WDR72: variants seen among roughly 807,000 people sequenced by gnomAD.
The protein encoded by WDR72 is WD repeat domain 72, also known as WD repeat-containing protein 72.
A neutral mutation model predicts 124.2 loss-of-function variants in WDR72; 120 were observed. The ratio of observed to expected loss-of-function variants is 0.97; its 90% CI spans 0.83 to 1.12. WDR72 has a LOEUF of 1.12. Ranked by LOEUF, WDR72 falls within the 50% of genes most tolerant of loss-of-function variation. The probability of loss-of-function intolerance (pLI) is 0.00; values close to 1 mark genes in which losing one functional copy is unlikely to be tolerated. For missense variants in WDR72, 1,387 were observed against 1,278.8 expected, an observed-to-expected ratio of 1.08 and a Z score of -1.29; for synonymous variants, 452 against 441.7, an observed-to-expected ratio of 1.02 and a Z score of -0.29.
At chr15:53,605,680 C>T (rs2013250320) in intron 17 of WDR72, among the ~76,000 whole-genome samples, 1 of 151,974 alleles carries the variant, frequency 6.6e-6, no homozygotes, top group African/African-American at 2.4e-5. Flanking sequence ...CATGGTGAGA[C>T]TCTGTCTCTA....
At chr15:53,658,940 A>C (rs2015518786) in intron 14 of WDR72, among the ~76,000 whole-genome samples, 1 of 152,220 alleles carries the variant, frequency 6.6e-6, no homozygotes, top group East Asian at 1.9e-4. Context: ...TCAGCAGTGC[A>C]GTAAGGCATC....
intron 18 of WDR72, among the ~76,000 whole-genome samples, chr15:53,537,505 T>C (rs1892825168): frequency 6.6e-6 from 1 of 152,180 alleles, no homozygotes; most frequent in Admixed American, 6.5e-5. Context: ...TCCTGGCTCA[T>C]CTACAAACTG....
At chr15:53,714,146 G>A (rs113531226) in intron 6 of WDR72, among the ~76,000 whole-genome samples, 34 of 148,388 alleles carry the variant, frequency 2.3e-4, no homozygotes, top group African/African-American at 8.8e-4. Context: ...ACAGAGAGAT[G>A]TTCTATTTTT....
intron 14 of WDR72, among the ~76,000 whole-genome samples, chr15:53,638,583 T>C (rs1014151635): frequency 9.1e-5 from 5 of 55,192 alleles, no homozygotes; most frequent in Admixed American, 5.0e-4. Flanking sequence ...TCACATTCTT[T>C]TTTTTTTTTT....
chr15:53,665,005 C>G (rs67494345), intron 14 of WDR72, among the ~76,000 whole-genome samples: 49,607 of 151,902 alleles, frequency 0.33, 10,040 homozygotes, highest in Middle Eastern at 0.56. Flanking sequence ...GATTAAATTA[C>G]TATATCATAT....
At chr15:53,556,946 A>G (rs1893955319) in intron 18 of WDR72, among the ~76,000 whole-genome samples, 1 of 152,124 alleles carries the variant, frequency 6.6e-6, no homozygotes, top group Non-Finnish European at 1.5e-5. Flanking sequence ...AACTTGAATA[A>G]TTAACTCAGG....
intron 13 of WDR72, among the ~76,000 whole-genome samples, chr15:53,668,865 A>G (rs1348970720): frequency 6.8e-6 from 1 of 146,068 alleles, no homozygotes; most frequent in African/African-American, 2.5e-5. Flanking sequence ...TGATCATACC[A>G]CTGTATTATA....
At chr15:53,735,042 A>C (rs773168671) in intron 1 of WDR72, among the ~76,000 whole-genome samples, 6 of 151,982 alleles carry the variant, frequency 3.9e-5, no homozygotes, top group Non-Finnish European at 8.8e-5. Flanking sequence ...GCCTGTAATC[A>C]CAGCACTTTG....
chr15:53,620,543 G>T (rs2140375699), intron 14 of WDR72, among the ~76,000 whole-genome samples: 1 of 152,092 alleles, frequency 6.6e-6, no homozygotes. Flanking sequence ...AACATAAAGT[G>T]GGGAAAGGAC....
At chr15:53,522,527 CTAAT>C (rs776594945) in intron 19 of WDR72, among the ~76,000 whole-genome samples, 31 of 151,936 alleles carry the variant, frequency 2.0e-4, no homozygotes, top group Non-Finnish European at 7.4e-5. Flanking sequence ...TTTTTTGATT[CTAAT>C]TAATTAGTTA....
At chr15:53,708,848 A>G (rs1286576192) in intron 9 of WDR72, among the ~76,000 whole-genome samples, 2 of 152,022 alleles carry the variant, frequency 1.3e-5, no homozygotes, top group African/African-American at 4.8e-5. Context: ...AATAGCCAGG[A>G]CCCCTGCACC....
At chr15:53,706,439 G>C (rs2017382283) in intron 9 of WDR72, among the ~76,000 whole-genome samples, 1 of 140,016 alleles carries the variant, frequency 7.1e-6, no homozygotes, top group African/African-American at 2.6e-5. Context: ...TACATATTCA[G>C]TTAAATAATC....
At chr15:53,607,495 T>A (rs1270408899) in intron 17 of WDR72, among the ~76,000 whole-genome samples, 1 of 152,120 alleles carries the variant, frequency 6.6e-6, no homozygotes, top group East Asian at 1.9e-4. Context: ...CCCCTATCTC[T>A]TACCGTATAC....
chr15:53,697,226 A>G (rs1282666130), intron 13 of WDR72, among the ~76,000 whole-genome samples: 2 of 151,984 alleles, frequency 1.3e-5, no homozygotes, highest in African/African-American at 2.4e-5. Context: ...CATAATGACA[A>G]CTCTATCGAT....
At chr15:53,699,693 C>A in intron 13 of WDR72, 57 bp downstream of exon 13, 2 of 1,582,524 alleles carry the variant, frequency 1.3e-6, no homozygotes, top group South Asian at 2.2e-5. Flanking sequence ...TCCATCTGGT[C>A]AAATGCTTGT....
intron 14 of WDR72, among the ~76,000 whole-genome samples, chr15:53,653,484 A>G (rs1479412617): frequency 6.6e-6 from 1 of 152,200 alleles, no homozygotes; most frequent in Non-Finnish European, 1.5e-5. Context: ...TATTCTGGCA[A>G]AAGACTAACA....
chr15:53,598,421 C>T (rs1026716296), intron 17 of WDR72, among the ~76,000 whole-genome samples: 2 of 152,092 alleles, frequency 1.3e-5, no homozygotes, highest in Non-Finnish European at 2.9e-5. Context: ...TGAGACAACA[C>T]CGAGAGTGGT....
At chr15:53,732,715 T>C (rs2018237154) in intron 2 of WDR72, among the ~76,000 whole-genome samples, 1 of 152,190 alleles carries the variant, frequency 6.6e-6, no homozygotes, top group South Asian at 2.1e-4. Flanking sequence ...CTTAAACATA[T>C]AATTCAGGAT....
chr15:53,664,386 G>T (rs690368), intron 14 of WDR72, among the ~76,000 whole-genome samples: 13,585 of 152,112 alleles, frequency 0.089, 1,592 homozygotes, highest in African/African-American at 0.27. Flanking sequence ...CTAGACTCAC[G>T]TGTGAAATCT....
Sources: gnomAD v4.1 joint callset for allele counts (sites outside exome capture counted in the v4.1 genomes callset) on GRCh38, gnomAD v4.1.1 for gene constraint, MANE v1.5 for transcripts, NCBI Gene and HGNC (gene_info 2026-07-23, HGNC 2026-07-21) for gene names.